The following LRP1B variants were observed in gnomAD, a reference collection of about 807,000 sequenced individuals.
LRP1B encodes LDL receptor related protein 1B.
Under a neutral mutation model 556.6 loss-of-function variants are expected in LRP1B, and 217 were observed. That is an observed-to-expected ratio of 0.39 (90% confidence interval 0.35 to 0.44). The LOEUF (loss-of-function observed/expected upper bound fraction) is 0.44. Ranked by LOEUF, LRP1B falls within the 20% of genes least tolerant of loss-of-function variation. LRP1B has a pLI of 1.00. For missense variants in LRP1B, 5,053 were observed against 5,620.8 expected (o/e 0.90, Z 3.23); for synonymous variants, 2,047 against 1,865.8 (o/e 1.10, Z -2.50).
At chr2:141,659,174 A>C (rs942325466) in intron 2 of LRP1B, among the ~76,000 whole-genome samples, 1 of 152,126 alleles carries the variant, frequency 6.6e-6, no homozygotes, top group Non-Finnish European at 1.5e-5. Flanking sequence ...AAAGTGCTAA[A>C]ATTACAGCAT....
intron 21 of LRP1B, among the ~76,000 whole-genome samples, chr2:140,915,522 T>C (rs993130689): frequency 6.6e-6 from 1 of 151,590 alleles, no homozygotes; most frequent in South Asian, 2.1e-4. Flanking sequence ...GGTGTGGTGA[T>C]GCATGCCTAT....
rs538031823 is a variant in LRP1B, at chr2:141,102,424, A to G, written c.1014-40151T>C. On this transcript the variant is annotated intron_variant, in intron 7 of 90. Coordinates refer to ENST00000389484, the MANE Select transcript of LRP1B (RefSeq NM_018557.3). The stretch of plus-strand genomic sequence containing the variant: ...ACTTCTGTCACTGGGAACAGAGCAA[A>G]TTAGGGAGGAAAGGGATTATTGCAG... Among the ~76,000 whole-genome samples, 16 of 152,244 alleles carry G rather than the reference A, an allele frequency of 1.1e-4. No homozygotes were observed. The East Asian group carries it at 2.9e-3, about 28-fold the overall frequency.
intron 1 of LRP1B, among the ~76,000 whole-genome samples, chr2:142,021,358 C>G (rs1265204343): frequency 6.6e-6 from 1 of 151,904 alleles, no homozygotes; most frequent in African/African-American, 2.4e-5. Context: ...GAAAAAGGCC[C>G]ACAACAATAT....
Position 140,585,047 on chromosome 2 carries a change from A to T in LRP1B, c.7194+13584T>A, listed in dbSNP as rs556996758. 2.0e-5 allele frequency among the ~76,000 whole-genome samples: 3 copies of T among 152,226 alleles called. No homozygotes were observed. In the South Asian group the frequency reaches 6.2e-4, roughly 32 times the overall value. On this transcript the variant is annotated intron_variant, in intron 43 of 90. Coordinates refer to ENST00000389484, the MANE Select transcript of LRP1B (RefSeq NM_018557.3). ...TTTTGGAGATACAAAGATGAAAAAC[A>T]AATTGCCTTTCTTTAGATGTTATTA...
At position 141,031,356 on chromosome 2, in the gene LRP1B, ATTAC is replaced by A. The variant is rs371886687; in HGVS notation, c.1790-11258_1790-11255del. ...AAAACTTATATCAGAATTGAAGAGT[ATTAC>A]TTAGTTACCTCAGATGGATATTCTA... On this transcript the variant is annotated intron_variant, in intron 11 of 90. Transcript: ENST00000389484. Among the ~76,000 whole-genome samples, 385 of 151,820 alleles carry A rather than the reference ATTAC, an allele frequency of 2.5e-3. 2 individuals are homozygous for A. Among genetic ancestry groups the A allele is most frequent in the African/African-American group, 9.1e-3 (376 of 41,464 alleles).
At chr2:141,314,211 C>T (rs1686912918) in intron 3 of LRP1B, among the ~76,000 whole-genome samples, 1 of 152,110 alleles carries the variant, frequency 6.6e-6, no homozygotes, top group African/African-American at 2.4e-5. Flanking sequence ...CAGAGGCTAC[C>T]TGGTATAGCT....
chr2:141,006,956 T>C (rs1176921127), intron 14 of LRP1B, among the ~76,000 whole-genome samples: 1 of 151,948 alleles, frequency 6.6e-6, no homozygotes, highest in African/African-American at 2.4e-5. Context: ...TATCTATAAA[T>C]GTGTCAAACT....
intron 29 of LRP1B, among the ~76,000 whole-genome samples, chr2:140,841,815 C>T (rs1033177468): frequency 5.9e-5 from 9 of 152,020 alleles, no homozygotes; most frequent in African/African-American, 2.2e-4. Context: ...TTAAAAACTG[C>T]ACCTTTTCAA....
At chr2:142,057,845 T>C (rs552540459) in intron 1 of LRP1B, among the ~76,000 whole-genome samples, 1 of 152,162 alleles carries the variant, frequency 6.6e-6, no homozygotes, top group Admixed American at 6.6e-5. Context: ...TTTTTAGCTA[T>C]TCGTTCCTGT....
chr2:140,640,800 G>A (rs1259132373), intron 41 of LRP1B, among the ~76,000 whole-genome samples: 2 of 152,146 alleles, frequency 1.3e-5, no homozygotes, highest in Non-Finnish European at 2.9e-5. Flanking sequence ...AGGGAGATGT[G>A]CACTGATTTA....
intron 2 of LRP1B, among the ~76,000 whole-genome samples, chr2:141,644,395 C>T (rs1689470374): frequency 6.6e-6 from 1 of 152,032 alleles, no homozygotes; most frequent in Non-Finnish European, 1.5e-5. Flanking sequence ...TGCCTTCCGC[C>T]ATGATAGTGA....
At chr2:141,200,030 G>T (rs1234281905) in intron 6 of LRP1B, among the ~76,000 whole-genome samples, 1 of 152,116 alleles carries the variant, frequency 6.6e-6, no homozygotes, top group Non-Finnish European at 1.5e-5. Flanking sequence ...TCCTCAAAGA[G>T]CTAAAAGTAG....
chr2:140,715,264 A>G (rs1308041215), intron 37 of LRP1B, among the ~76,000 whole-genome samples: 1 of 152,068 alleles, frequency 6.6e-6, no homozygotes, highest in Admixed American at 6.6e-5. Flanking sequence ...TTAAAAAAAA[A>G]TCACTCTAGG....
intron 41 of LRP1B, among the ~76,000 whole-genome samples, chr2:140,645,125 T>C (rs1450508503): frequency 6.6e-6 from 1 of 152,198 alleles, no homozygotes; most frequent in Non-Finnish European, 1.5e-5. Context: ...GAAGCCTTTT[T>C]TCGGTCTAAT....
chr2:141,369,297 ACCT>A (rs1238599705), intron 3 of LRP1B, among the ~76,000 whole-genome samples: 1 of 152,066 alleles, frequency 6.6e-6, no homozygotes, highest in African/African-American at 2.4e-5. Context: ...AAAACCTACC[ACCT>A]AATTTTCAAA....
At chr2:141,950,779 C>T (rs1215968218) in intron 1 of LRP1B, among the ~76,000 whole-genome samples, 2 of 151,914 alleles carry the variant, frequency 1.3e-5, no homozygotes, top group African/African-American at 4.8e-5. Context: ...TTAGGTAACT[C>T]GCATTTCTAA....
chr2:141,644,708 T>C (rs963197519), intron 2 of LRP1B, among the ~76,000 whole-genome samples: 6 of 150,026 alleles, frequency 4.0e-5, no homozygotes, highest in Non-Finnish European at 7.4e-5. Context: ...TATGGTCAGT[T>C]GTCTGATAAG....
intron 67 of LRP1B, among the ~76,000 whole-genome samples, chr2:140,379,125 G>A (rs1251878224): frequency 6.6e-6 from 1 of 152,122 alleles, no homozygotes; most frequent in African/African-American, 2.4e-5. Flanking sequence ...TCTCTAAACA[G>A]GACTGATATC....
intron 18 of LRP1B, among the ~76,000 whole-genome samples, chr2:140,952,548 A>T (rs1431853254): frequency 3.3e-5 from 5 of 152,168 alleles, no homozygotes; most frequent in African/African-American, 9.7e-5. Context: ...CGAAAAAAAA[A>T]TAGCAAAGAA....
Sources: allele counts gnomAD v4.1 joint callset (sites outside exome capture counted in the v4.1 genomes callset), GRCh38; gene constraint gnomAD v4.1.1; transcripts MANE v1.5; gene names NCBI Gene and HGNC (gene_info 2026-07-23, HGNC 2026-07-21).